Variants in PRPF3 observed in about 807,000 individuals in gnomAD.
PRPF3 encodes pre-mRNA processing factor 3, also known as U4/U6 small nuclear ribonucleoprotein Prp3.
In PRPF3, 3 loss-of-function variants were observed where a neutral mutation model predicts 89.2. The ratio of observed to expected loss-of-function variants is 0.03; its 90% CI spans 0.02 to 0.09. The LOEUF (loss-of-function observed/expected upper bound fraction) is 0.09, where lower values mean the gene tolerates loss of function less well. PRPF3 is among the 10% of genes least tolerant of loss of function. The pLI, the probability that PRPF3 is intolerant of heterozygous loss-of-function variation, is 1.00. For synonymous variants in PRPF3, 270 were observed against 289.1 expected, an observed-to-expected ratio of 0.93 and a Z score of 0.67; for missense variants, 463 against 828.8, an observed-to-expected ratio of 0.56 and a Z score of 5.42.
rs1553864478 is a variant in PRPF3 at position 150,328,546 on chromosome 1, A to ATTTT, written c.423+80_423+81insTTTT. 40 of 726,362 alleles carry ATTTT rather than the reference A, an allele frequency of 5.5e-5. No individual in the cohort carries two copies. In the Middle Eastern group the frequency reaches 1.3e-3, roughly 24 times the overall value. 45.0% of individuals were successfully genotyped at this position (726,362 alleles called of 1,614,324 possible). A position where few individuals can be genotyped will look rare whatever the true frequency, so the allele number is the denominator to read the frequency against. ...GTGCATGGGTCTGTATTTATTGTGG[A>ATTTT]ATTTTTTTTTTTTTTTTTTTTTTGA... On this transcript the variant is annotated intron_variant, in intron 4 of 15. Transcript: ENST00000324862.
At chr1:150,352,745 C>G (rs1659072787) in intron 15 of PRPF3, 88 bp from the exon 16 acceptor site, 1 of 1,439,088 alleles carries the variant, frequency 6.9e-7, no homozygotes, top group Admixed American at 1.7e-5. Flanking sequence ...GCACATGTCT[C>G]ACAAATGTTA....
intron 1 of PRPF3, among the ~76,000 whole-genome samples, chr1:150,322,424 G>T (rs1269202155): frequency 6.6e-6 from 1 of 152,240 alleles, no homozygotes; most frequent in Non-Finnish European, 1.5e-5. Context: ...CTTGTAAATG[G>T]TGGGGCTCAG....
intron 14 of PRPF3, among the ~76,000 whole-genome samples, chr1:150,347,879 A>T (rs1408766089): frequency 6.6e-6 from 1 of 152,172 alleles, no homozygotes; most frequent in African/African-American, 2.4e-5. Flanking sequence ...AGAGTATTTT[A>T]CTGCATATTG....
rs1553866495 is a variant in PRPF3 at position 150,333,973 on chromosome 1, G to T, written c.728+774G>T. On this transcript the variant is annotated intron_variant, in intron 6 of 15. Transcript: ENST00000324862. Reference sequence around the variant, plus strand: ...ATTTATAAACTCATTTCATTTGGTTGTCCTGTATACTGAAATATCCACTTT... The same window carrying T: ...ATTTATAAACTCATTTCATTTGGTTTTCCTGTATACTGAAATATCCACTTT... 2.8e-4 allele frequency among the ~76,000 whole-genome samples: 43 copies of T among 152,290 alleles called. 2 individuals carry two copies.
intron 3 of PRPF3, 55 bp from the exon 4 acceptor site, chr1:150,328,265 T>C: frequency 6.2e-7 from 1 of 1,602,516 alleles, no homozygotes; most frequent in Non-Finnish European, 8.5e-7. Context: ...GGATAATTCT[T>C]CCCTTCTCCC....
intron 6 of PRPF3, among the ~76,000 whole-genome samples, chr1:150,334,134 A>G (rs1553866547): frequency 6.6e-6 from 1 of 151,916 alleles, no homozygotes; most frequent in Non-Finnish European, 1.5e-5. Flanking sequence ...GCAAAACCCC[A>G]TCTCTCTAAA....
At chr1:150,342,905 G>A (rs1261392537) in intron 9 of PRPF3, among the ~76,000 whole-genome samples, 7 of 152,164 alleles carry the variant, frequency 4.6e-5, no homozygotes, top group East Asian at 1.9e-4. Context: ...TTGGGCTCAC[G>A]CCATCCTCCC....
Position 150,325,716 on chromosome 1 carries a change from C to T in PRPF3, c.146-35C>T, listed in dbSNP as rs587597716. ...CTAGTATTAGACTGTGTACTCTTAC[C>T]TTTCCAACCCTACCACCGCCTTTCT... On this transcript the variant is annotated intron_variant, in intron 2 of 15. Transcript: ENST00000324862. 1.1e-4 allele frequency: 180 copies of T among 1,605,848 alleles called. 1 individual carries two copies. The South Asian group carries it at 1.8e-3, about 16-fold the overall frequency.
chr1:150,336,180 G>A (rs1423653700), intron 7 of PRPF3, among the ~76,000 whole-genome samples: 2 of 152,134 alleles, frequency 1.3e-5, no homozygotes, highest in African/African-American at 2.4e-5. Flanking sequence ...TCCCATTTGG[G>A]TGTGATGGGA....
chr1:150,348,765 AATTTTG>A (rs1363266753), intron 14 of PRPF3: 3 of 256,978 alleles, frequency 1.2e-5, no homozygotes, highest in African/African-American at 2.3e-5. Context: ...GCTGGCCGAT[AATTTTG>A]ATTTGGTATA....
intron 7 of PRPF3, among the ~76,000 whole-genome samples, chr1:150,336,243 C>T (rs1553867675): frequency 6.6e-6 from 1 of 152,084 alleles, no homozygotes; most frequent in Non-Finnish European, 1.5e-5. Context: ...TGCAACATAG[C>T]CCCCTCACAT....
intron 3 of PRPF3, 167 bp from the exon 4 acceptor site, chr1:150,328,153 G>T: frequency 1.5e-6 from 1 of 663,444 alleles, no homozygotes. Context: ...GTTGAAGTTG[G>T]GTGAGATGGA....
chr1:150,337,812 T>A (rs1433714566), intron 7 of PRPF3, among the ~76,000 whole-genome samples: 2 of 150,980 alleles, frequency 1.3e-5, no homozygotes, highest in African/African-American at 4.9e-5. Context: ...CAGTGGCTCA[T>A]GCCTGTAATC....
chr1:150,343,973 A>C (rs1658040917), intron 10 of PRPF3, among the ~76,000 whole-genome samples, 189 bp from the exon 11 acceptor site: 1 of 152,196 alleles, frequency 6.6e-6, no homozygotes, highest in African/African-American at 2.4e-5. Flanking sequence ...CTTCAACTTA[A>C]TTGTGTGAAC....
At chr1:150,339,210 TAAA>T (rs782456463) in intron 8 of PRPF3, among the ~76,000 whole-genome samples, 5 of 136,310 alleles carry the variant, frequency 3.7e-5, no homozygotes, top group African/African-American at 8.1e-5. Context: ...CTACAAAGAT[TAAA>T]AAAAAAAAAA....
At chr1:150,327,148 A>G (rs1655823242) in intron 3 of PRPF3, among the ~76,000 whole-genome samples, 1 of 151,196 alleles carries the variant, frequency 6.6e-6, no homozygotes, top group South Asian at 2.1e-4. Context: ...ACTCACTGCA[A>G]CTTCCACCTC....
At chr1:150,325,179 C>G (rs1655566456) in intron 2 of PRPF3, 92 bp downstream of exon 2, 3 of 1,462,058 alleles carry the variant, frequency 2.1e-6, no homozygotes, top group South Asian at 1.2e-5. Flanking sequence ...TTGGGAACAT[C>G]TAAAAAAATG....
At chr1:150,345,094 C>T (rs1396486614) in intron 12 of PRPF3, among the ~76,000 whole-genome samples, 1 of 151,826 alleles carries the variant, frequency 6.6e-6, no homozygotes, top group Non-Finnish European at 1.5e-5. Context: ...TGTGTATCTT[C>T]TATTTTTAAA....
chr1:150,350,288 G>A (rs1215395444), intron 15 of PRPF3, among the ~76,000 whole-genome samples: 15 of 148,400 alleles, frequency 1.0e-4, no homozygotes, highest in African/African-American at 2.5e-4. Flanking sequence ...CGCAACCACC[G>A]CCTCCTGGGT....
Sources: allele counts gnomAD v4.1 joint callset (sites outside exome capture counted in the v4.1 genomes callset), GRCh38; gene constraint gnomAD v4.1.1; transcripts MANE v1.5; gene names NCBI Gene and HGNC (gene_info 2026-07-23, HGNC 2026-07-21).